Variants in FGF14 observed in about 807,000 individuals in gnomAD.
FGF14 encodes fibroblast growth factor 14.
FGF14 carries 5 observed loss-of-function variants against 25.5 expected under a neutral mutation model. That is an observed-to-expected ratio of 0.20 (90% confidence interval 0.10 to 0.41). The LOEUF is 0.41. Among genes scored for constraint, FGF14 ranks in the 10% least tolerant of loss-of-function variants. The pLI is 1.00. For synonymous variants in FGF14, 138 were observed against 118.3 expected (o/e 1.17, Z -1.08); for missense variants, 222 against 320.1 (o/e 0.69, Z 2.34).
intron 1 of FGF14, among the ~76,000 whole-genome samples, chr13:102,003,492 G>GT (rs2039612521): frequency 6.6e-6 from 1 of 152,184 alleles, no homozygotes; most frequent in South Asian, 2.1e-4. Context: ...CAGGAACCAC[G>GT]TAACTATTTC....
intron 1 of FGF14, among the ~76,000 whole-genome samples, chr13:102,116,780 C>T (rs1206689151): frequency 6.6e-6 from 1 of 152,090 alleles, no homozygotes; most frequent in Non-Finnish European, 1.5e-5. Context: ...TAACTAATGC[C>T]ACTGAATTTT....
chr13:101,850,611 C>A lies in FGF14; in HGVS notation c.408+18114G>T, dbSNP rs529677170. ...ATATATTATATAATTCTATATATAG[C>A]ATATATATTCTATATATATAGAAAT... On this transcript the variant is annotated intron_variant, in intron 3 of 4. Transcript: ENST00000376143. Among the ~76,000 whole-genome samples, 95 of 127,448 alleles carry A rather than the reference C, an allele frequency of 7.5e-4. 1 individual carries two copies. The highest frequency in any genetic ancestry group is 2.3e-3 in the African/African-American group (81 of 35,138). 83.6% of individuals were successfully genotyped at this position (127,448 alleles called of 152,430 possible).
chr13:102,199,812 C>T (rs1246446548), intron 1 of FGF14, among the ~76,000 whole-genome samples: 6 of 152,186 alleles, frequency 3.9e-5, no homozygotes, highest in Middle Eastern at 3.2e-3. Flanking sequence ...CAGTGTGCCA[C>T]ATGCCAGACT....
Position 102,308,767 on chromosome 13 carries a change from C to G in FGF14, c.208+92704G>C, listed in dbSNP as rs567685646. 3.3e-5 allele frequency among the ~76,000 whole-genome samples: 5 copies of G among 152,128 alleles called. No individual in the cohort carries two copies. The South Asian group carries it at 1.0e-3, about 32-fold the overall frequency. ...GCTCTTTGAAATCTGCCAATCTGCC[C>G]TCACACAAGAGAGTGGTTACAGTCA... On this transcript the variant is annotated intron_variant, in intron 1 of 4. Coordinates refer to the FGF14 transcript ENST00000376131.
At chr13:102,189,621 C>A (rs1168271628) in intron 1 of FGF14, among the ~76,000 whole-genome samples, 2 of 151,970 alleles carry the variant, frequency 1.3e-5, no homozygotes, top group Non-Finnish European at 2.9e-5. Context: ...TAACAATGAC[C>A]CTTAATATCT....
chr13:101,734,564 A>T, intron 3 of FGF14, among the ~76,000 whole-genome samples: 1 of 152,306 alleles, frequency 6.6e-6, no homozygotes, highest in East Asian at 1.9e-4. Flanking sequence ...TATGCTCAAG[A>T]AAGTATTAAG....
intron 1 of FGF14, among the ~76,000 whole-genome samples, chr13:102,210,222 T>C (rs1197471233): frequency 6.6e-6 from 1 of 151,844 alleles, no homozygotes; most frequent in East Asian, 1.9e-4. Flanking sequence ...GCCTTTAAAG[T>C]ATAGATATAT....
intron 2 of FGF14, among the ~76,000 whole-genome samples, chr13:101,869,574 G>T: frequency 6.6e-6 from 1 of 152,088 alleles, no homozygotes; most frequent in Non-Finnish European, 1.5e-5. Flanking sequence ...AGGTTTTCTT[G>T]CATCAGTCTT....
intron 3 of FGF14, among the ~76,000 whole-genome samples, chr13:101,734,494 T>C (rs1213264251): frequency 6.6e-6 from 1 of 152,180 alleles, no homozygotes; most frequent in Non-Finnish European, 1.5e-5. Flanking sequence ...ATAATAATCC[T>C]TGTAAGATGA....
intron 1 of FGF14, among the ~76,000 whole-genome samples, chr13:102,241,170 C>T (rs1218715896): frequency 6.6e-6 from 1 of 152,052 alleles, no homozygotes; most frequent in Non-Finnish European, 1.5e-5. Flanking sequence ...GGCACTCATA[C>T]AGAAAGGGGC....
intron 3 of FGF14, among the ~76,000 whole-genome samples, chr13:101,821,183 C>T (rs1454666351): frequency 6.6e-6 from 1 of 152,098 alleles, no homozygotes; most frequent in Non-Finnish European, 1.5e-5. Context: ...CTCCTGACCT[C>T]GTGATCCACC....
intron 1 of FGF14, among the ~76,000 whole-genome samples, chr13:102,224,063 C>T (rs770346421): frequency 2.0e-5 from 3 of 151,838 alleles, no homozygotes; most frequent in South Asian, 2.1e-4. Context: ...TACATAAACA[C>T]GTATAAACAT....
intron 1 of FGF14, among the ~76,000 whole-genome samples, chr13:102,363,774 G>C (rs2057632498): frequency 1.3e-5 from 2 of 152,126 alleles, no homozygotes; most frequent in African/African-American, 4.8e-5. Context: ...TAGTTTGATT[G>C]ATTTCTTCTC....
chr13:102,038,333 G>A (rs1459676573), intron 1 of FGF14, among the ~76,000 whole-genome samples: 1 of 152,162 alleles, frequency 6.6e-6, no homozygotes, highest in East Asian at 1.9e-4. Context: ...TTGAGGAACT[G>A]CTAAGTTCCT....
chr13:102,232,993 C>T (rs1029864790), intron 1 of FGF14, among the ~76,000 whole-genome samples: 3 of 152,162 alleles, frequency 2.0e-5, no homozygotes, highest in African/African-American at 7.2e-5. Flanking sequence ...CTGAGACATC[C>T]GTGCAGCCCT....
intron 1 of FGF14, among the ~76,000 whole-genome samples, chr13:102,387,527 G>T (rs1369622491): frequency 6.6e-6 from 1 of 151,884 alleles, no homozygotes; most frequent in Non-Finnish European, 1.5e-5. Context: ...GACATTTTCA[G>T]TCCTTCTTAG....
chr13:102,006,478 T>A (rs1401247573), intron 1 of FGF14, among the ~76,000 whole-genome samples: 1 of 152,148 alleles, frequency 6.6e-6, no homozygotes, highest in East Asian at 1.9e-4. Context: ...GTTGTCATTA[T>A]GTAGTGAGAC....
At chr13:102,167,534 T>G (rs1045032092) in intron 1 of FGF14, among the ~76,000 whole-genome samples, 9 of 151,814 alleles carry the variant, frequency 5.9e-5, no homozygotes, top group Admixed American at 2.6e-4. Flanking sequence ...ATAGTTTACT[T>G]AAAAAAAACC....
At chr13:101,902,539 C>A (rs189711740) in intron 1 of FGF14, among the ~76,000 whole-genome samples, 3 of 152,236 alleles carry the variant, frequency 2.0e-5, no homozygotes, top group East Asian at 1.9e-4. Flanking sequence ...AGTGATGCAG[C>A]CAATATTGAT....
Sources: gnomAD v4.1 joint callset for allele counts (sites outside exome capture counted in the v4.1 genomes callset) on GRCh38, gnomAD v4.1.1 for gene constraint, MANE v1.5 for transcripts, NCBI Gene and HGNC (gene_info 2026-07-23, HGNC 2026-07-21) for gene names.